The following SCART1 variants were observed in gnomAD, a reference collection of about 807,000 sequenced individuals.
SCART1 encodes the protein scavenger receptor cysteine-rich domain-containing protein SCART1.
Under a neutral mutation model 36.2 loss-of-function variants are expected in SCART1, and 62 were observed. That is an observed-to-expected ratio of 1.71 (90% CI 1.40 to 2.12). The LOEUF is 2.12. SCART1 is among the 30% of genes most tolerant of loss of function. The pLI, the probability that SCART1 is intolerant of heterozygous loss-of-function variation, is 0.00. For missense variants in SCART1, 1,041 were observed against 540.5 expected (o/e 1.93, Z -9.18); for synonymous variants, 487 against 238.7 (o/e 2.04, Z -9.59).
Position 133,460,186 on chromosome 10 carries a change from G to T in SCART1, c.1969+16G>T, listed in dbSNP as rs573209919. ...TTCTGCTCAGGTGAGCGGCCGTTGG[G>T]TATGGAATGATCATGCTGTTTTATT... On this transcript the variant is annotated intron_variant, in intron 6 of 11. Coordinates refer to ENST00000640237, the Ensembl canonical transcript of SCART1. The T allele has an allele frequency of 1.7e-4, 82 of 472,062 alleles. No homozygotes were observed. The East Asian group carries it at 2.4e-3, about 14-fold the overall frequency. The allele number at this position is 472,062 out of a possible 1,614,324, so 29.2% of individuals were successfully genotyped here.
chr10:133,458,368 G>A (rs576323892), exon 4 of SCART1: 9 of 702,664 alleles, frequency 1.3e-5, no homozygotes, highest in Admixed American at 6.0e-5. Context: ...AGGACACACC[G>A]AGGCCCGACT....
At chr10:133,465,812 CG>C (rs1330713573) in intron 9 of SCART1, 1 of 695,330 alleles carries the variant, frequency 1.4e-6, no homozygotes, top group East Asian at 2.7e-5. Flanking sequence ...TTGTTCATTT[CG>C]GGTATGTGTC....
exon 12 of SCART1, chr10:133,469,152 A>G (rs1212972784): frequency 6.6e-6 from 1 of 152,026 alleles, no homozygotes; most frequent in Non-Finnish European, 1.5e-5. Context: ...TTTTTTTCAT[A>G]TGTTTGTTGG....
chr10:133,458,536 T>C, exon 4 of SCART1: 1 of 676,054 alleles, frequency 1.5e-6, no homozygotes, highest in East Asian at 2.7e-5. Context: ...CGGCCGGGGC[T>C]CGGGGCCGGT....
intron 10 of SCART1, 45 bp from the exon 11 acceptor site, chr10:133,467,153 A>G (rs1301135878): frequency 1.6e-6 from 1 of 640,802 alleles, no homozygotes; most frequent in South Asian, 1.8e-5. Flanking sequence ...CTGTGGCCAC[A>G]TCCACACTGA....
Position 133,457,263 on chromosome 10 carries a change from G to C in SCART1, c.386-16G>C. On this transcript the variant is annotated splice_polypyrimidine_tract_variant and intron_variant, in intron 2 of 11. Transcript: ENST00000640237. The stretch of plus-strand genomic sequence containing the variant: ...CTGGGTCCATACCTTAAGGAGGACC[G>C]GCCTGTGCTCCACAGACGGCACTTT... The C allele has an allele frequency of 1.4e-6, 1 of 700,298 alleles. No individual in the cohort carries two copies. The highest frequency in any genetic ancestry group is 1.5e-5 in the South Asian group (1 of 67,394). The allele number at this position is 700,298 out of a possible 1,614,324, so 43.4% of individuals were successfully genotyped here.
exon 12 of SCART1, chr10:133,468,163 G>T: frequency 2.1e-6 from 1 of 472,346 alleles, no homozygotes; most frequent in South Asian, 4.0e-5. Context: ...CATCTGCTGT[G>T]GACAGTTGTG....
chr10:133,456,312 C>A (rs1463876008), exon 2 of SCART1: 2 of 702,964 alleles, frequency 2.8e-6, no homozygotes, highest in Admixed American at 4.0e-5. Context: ...CACCACGGGG[C>A]ATGGGGATAC....
chr10:133,462,787 G>A (rs1373092110), intron 6 of SCART1, among the ~76,000 whole-genome samples: 4 of 152,216 alleles, frequency 2.6e-5, no homozygotes, highest in African/African-American at 9.7e-5. Context: ...AATGATAGCA[G>A]TGTCAGCCTA....
intron 6 of SCART1, among the ~76,000 whole-genome samples, chr10:133,461,115 G>C (rs1850697129): frequency 6.6e-6 from 1 of 152,100 alleles, no homozygotes; most frequent in Non-Finnish European, 1.5e-5. Context: ...GAGCGTCTTT[G>C]TGTTCTGATC....
At chr10:133,460,108 C>T (rs1043268618) in exon 6 of SCART1, 4 of 514,380 alleles carry the variant, frequency 7.8e-6, no homozygotes, top group African/African-American at 6.1e-5. Flanking sequence ...TGGCAGTGCC[C>T]GTCGGCGGGC....
chr10:133,465,579 G>T lies in SCART1; in HGVS notation c.2659+14G>T, dbSNP rs749589891. 3.3e-5 allele frequency: 19 copies of T among 571,096 alleles called. No homozygotes were observed. Among genetic ancestry groups the T allele is most frequent in the Non-Finnish European group, 5.5e-5 (18 of 325,690 alleles). 35.4% of individuals were successfully genotyped at this position (571,096 alleles called of 1,614,324 possible). A position where few individuals can be genotyped will look rare whatever the true frequency, so the allele number is the denominator to read the frequency against. On this transcript the variant is annotated intron_variant, in intron 9 of 11. Transcript: ENST00000640237. ...TGCGCTGCTGGGGTGAGTGGGGGGC[G>T]GTGGGAAGTCGGTCATGGGGCCGGC...
chr10:133,467,792 T>C, intron 11 of SCART1, 55 bp from the exon 12 acceptor site: 1 of 614,098 alleles, frequency 1.6e-6, no homozygotes, highest in Non-Finnish European at 3.0e-6. Context: ...CCAAATGTGC[T>C]CTGGGGACAA....
intron 3 of SCART1, chr10:133,458,007 C>G: frequency 1.8e-6 from 1 of 541,682 alleles, no homozygotes; most frequent in Non-Finnish European, 3.3e-6. Flanking sequence ...CTGCCTGCTG[C>G]GGTACCCCAG....
At chr10:133,468,742 A>G (rs934399103) in exon 12 of SCART1, 31 of 152,316 alleles carry the variant, frequency 2.0e-4, no homozygotes, top group African/African-American at 3.6e-4. Flanking sequence ...ATGATAGATG[A>G]TTGATTTTCA....
At chr10:133,458,362 C>T (rs1475461136) in exon 4 of SCART1, 2 of 702,670 alleles carry the variant, frequency 2.8e-6, no homozygotes. Flanking sequence ...GCCCCCAGGA[C>T]ACACCGAGGC....
At chr10:133,469,274 A>T (rs974415948), downstream of SCART1, 11 of 152,146 alleles carry the variant, frequency 7.2e-5, no homozygotes, top group African/African-American at 2.7e-4. Context: ...TAGATTCTGG[A>T]CATTAGCCCT....
At chr10:133,457,480 G>A (rs1252824701) in exon 3 of SCART1, 1 of 702,756 alleles carries the variant, frequency 1.4e-6, no homozygotes, top group Non-Finnish European at 2.6e-6. Flanking sequence ...TACCTGGCCT[G>A]CAGGGGTACC....
chr10:133,463,292 T>C (rs1235070633), intron 6 of SCART1, among the ~76,000 whole-genome samples: 1 of 152,114 alleles, frequency 6.6e-6, no homozygotes, highest in African/African-American at 2.4e-5. Context: ...TCTCACAAAG[T>C]TACGTTTGGT....
Sources: gnomAD v4.1 joint callset for allele counts (sites outside exome capture counted in the v4.1 genomes callset) on GRCh38, gnomAD v4.1.1 for gene constraint, MANE v1.5 for transcripts, NCBI Gene and HGNC (gene_info 2026-07-23, HGNC 2026-07-21) for gene names.